Variants in ACAD11 observed in about 807,000 individuals in gnomAD.
The protein encoded by ACAD11 is acyl-Coenzyme A dehydrogenase family, member 11.
ACAD11 carries 83 observed loss-of-function variants against 102.2 expected under a neutral mutation model. The observed-to-expected ratio is 0.81, with a 90% CI of 0.68 to 0.97. ACAD11 has a LOEUF of 0.97. ACAD11 is among the 50% of genes least tolerant of loss of function. The pLI, the probability that ACAD11 is intolerant of heterozygous loss-of-function variation, is 0.00. For synonymous variants in ACAD11, 324 were observed against 319.8 expected (o/e 1.01, Z -0.14); for missense variants, 901 against 951.7 (o/e 0.95, Z 0.70).
At chr3:132,634,945 C>T (rs927629413) in intron 5 of ACAD11, among the ~76,000 whole-genome samples, 30 of 151,214 alleles carry the variant, frequency 2.0e-4, no homozygotes, top group African/African-American at 7.3e-4. Context: ...AGGAGAGATA[C>T]CTAATGCTAA....
At chr3:132,622,541 T>A (rs2107852726) in intron 9 of ACAD11, among the ~76,000 whole-genome samples, 1 of 152,356 alleles carries the variant, frequency 6.6e-6, no homozygotes, top group South Asian at 2.1e-4. Flanking sequence ...TGCCAGTGTT[T>A]ATATAATTTT....
chr3:132,639,501 G>A lies in ACAD11; in HGVS notation c.693C>T (p.His231=). 2 of 1,613,318 alleles carry A rather than the reference G, an allele frequency of 1.2e-6. No individual in the cohort carries two copies. Among genetic ancestry groups the A allele is most frequent in the Non-Finnish European group, 1.7e-6 (2 of 1,179,768 alleles). Residue 231 remains histidine, a synonymous_variant, in exon 5 of 20, where the codon CAC becomes CAT. Coordinates refer to ENST00000264990, the MANE Select transcript of ACAD11 (RefSeq NM_032169.5). ...GDFRLDNIVF[H]PKECRVIAVL... is the part of the protein sequence containing the mutation. The stretch of plus-strand genomic sequence containing the variant: ...ACATAGCTAACTGTACCTCTTTAGG[G>A]TGGAAAACTATGTTATCTAGTCTGA...
intron 13 of ACAD11, among the ~76,000 whole-genome samples, chr3:132,585,819 AT>A (rs1937794833): frequency 6.6e-6 from 1 of 152,202 alleles, no homozygotes; most frequent in Non-Finnish European, 1.5e-5. Context: ...TAGAATGGCA[AT>A]CATTAAAAAG....
At chr3:132,578,478 A>AATT (rs1382666858) in intron 15 of ACAD11, 1 of 153,224 alleles carries the variant, frequency 6.5e-6, no homozygotes, top group African/African-American at 2.4e-5. Flanking sequence ...TCTGTGCATT[A>AATT]ATCCATTTTT....
rs1311039488 is a variant in ACAD11 at position 132,659,637 on chromosome 3, C to G, written c.115G>C (p.Glu39Gln). The part of the protein sequence containing the change: ...LNQHLSGFGA[E>Q]REATLTIAQY... ...GCAATGGTCAGCGTAGCCTCACGTT[C>G]GGCCCCAAAGCCAGACAAGTGCTGG... is the stretch of plus-strand genomic sequence containing the variant. The change falls in exon 1 of 20, where the codon GAA becomes CAA. Residue 39 changes from glutamate to glutamine, a missense_variant. Glu to Gln is a conservative substitution (Grantham distance 29). Coordinates refer to ENST00000264990, the MANE Select transcript of ACAD11 (RefSeq NM_032169.5). 1 of 1,610,450 alleles carries G rather than the reference C, an allele frequency of 6.2e-7. No homozygotes were observed. Among genetic ancestry groups the G allele is most frequent in the Non-Finnish European group, 8.5e-7 (1 of 1,178,482 alleles).
intron 6 of ACAD11, among the ~76,000 whole-genome samples, chr3:132,630,944 G>A (rs192551679): frequency 1.3e-5 from 2 of 152,146 alleles, no homozygotes. Flanking sequence ...GGTGGTGTGT[G>A]CCTGTAGTCC....
intron 3 of ACAD11, 36 bp downstream of exon 3, chr3:132,642,635 TTAAAAG>T (rs1403338609): frequency 6.5e-7 from 1 of 1,548,566 alleles, no homozygotes; most frequent in Admixed American, 2.1e-5. Flanking sequence ...AACTTCATAA[TTAAAAG>T]TAAAAGCAAC....
intron 11 of ACAD11, among the ~76,000 whole-genome samples, chr3:132,613,029 T>G (rs1206187029): frequency 6.6e-6 from 1 of 152,036 alleles, no homozygotes; most frequent in Admixed American, 6.5e-5. Flanking sequence ...ATATACACCA[T>G]GGAATACTAT....
At chr3:132,622,752 C>T (rs1471508791) in intron 9 of ACAD11, among the ~76,000 whole-genome samples, 1 of 152,148 alleles carries the variant, frequency 6.6e-6, no homozygotes, top group African/African-American at 2.4e-5. Context: ...GGTCAATCTT[C>T]CCAAAATATC....
intron 9 of ACAD11, among the ~76,000 whole-genome samples, chr3:132,621,885 G>A (rs1369901193): frequency 9.9e-5 from 15 of 151,230 alleles, no homozygotes; most frequent in Non-Finnish European, 2.2e-4. Flanking sequence ...AGGCTGAGGC[G>A]GGAGAATCAC....
intron 13 of ACAD11, among the ~76,000 whole-genome samples, chr3:132,583,542 T>C (rs1426177111): frequency 1.3e-5 from 2 of 152,236 alleles, no homozygotes; most frequent in East Asian, 1.9e-4. Context: ...TTTGTGTCTC[T>C]ATTTCCTTCA....
Position 132,618,656 on chromosome 3 carries a change from A to G in ACAD11, c.1392T>C (p.Asp464=), listed in dbSNP as rs1939500916. The G allele has an allele frequency of 6.2e-7, 1 of 1,605,830 alleles. No individual in the cohort carries two copies. The highest frequency in any genetic ancestry group is 8.5e-7 in the Non-Finnish European group (1 of 1,176,862). Reference sequence around the variant, plus strand: ...AACCTGGTGCTTGGCAGTTAAAGACATCTGGAGCAAAAAAGCATTTTCCTG... The same window carrying G: ...AACCTGGTGCTTGGCAGTTAAAGACGTCTGGAGCAAAAAAGCATTTTCCTG... ...EETGKCFFAP[D]VFNCQAPDTG... is the part of the protein sequence containing the mutation. Residue 464 remains aspartate (D), a synonymous_variant, in exon 11 of 20, where the codon GAT becomes GAC. Transcript: ENST00000264990.
At chr3:132,642,162 A>G (rs1940551459) in intron 3 of ACAD11, 29 bp from the exon 4 acceptor site, 2 of 1,583,476 alleles carry the variant, frequency 1.3e-6, no homozygotes, top group Non-Finnish European at 1.7e-6. Flanking sequence ...CAGATTATTT[A>G]AATGTGTATA....
chr3:132,616,507 G>A (rs1939415014), intron 11 of ACAD11, among the ~76,000 whole-genome samples: 1 of 152,128 alleles, frequency 6.6e-6, no homozygotes, highest in Admixed American at 6.6e-5. Flanking sequence ...TAGACTCAGT[G>A]GAAAATATCC....
chr3:132,649,996 G>A (rs150937373), intron 1 of ACAD11: 61 of 152,320 alleles, frequency 4.0e-4, no homozygotes, highest in African/African-American at 1.4e-3. Context: ...AAAGACAAAT[G>A]ACCCAGTGTT....
intron 13 of ACAD11, among the ~76,000 whole-genome samples, chr3:132,598,320 A>G (rs1379803561): frequency 1.3e-5 from 2 of 152,228 alleles, no homozygotes; most frequent in Non-Finnish European, 2.9e-5. Flanking sequence ...AACATAGTGC[A>G]ATAACAATGT....
chr3:132,589,887 CCT>C (rs895022779), intron 13 of ACAD11, among the ~76,000 whole-genome samples: 13 of 152,090 alleles, frequency 8.5e-5, no homozygotes, highest in African/African-American at 3.1e-4. Context: ...CTCAAGCAGA[CCT>C]CTGTGTCTGT....
At chr3:132,587,067 C>T (rs1937872451) in intron 13 of ACAD11, among the ~76,000 whole-genome samples, 1 of 152,150 alleles carries the variant, frequency 6.6e-6, no homozygotes, top group African/African-American at 2.4e-5. Flanking sequence ...CATTGCACTC[C>T]AGCCTGGGCA....
chr3:132,588,714 A>G (rs990897858), intron 13 of ACAD11, among the ~76,000 whole-genome samples: 3 of 152,192 alleles, frequency 2.0e-5, no homozygotes, highest in Non-Finnish European at 4.4e-5. Context: ...CATTTGTACT[A>G]ATGAGAAAAG....
Sources: allele counts gnomAD v4.1 joint callset (sites outside exome capture counted in the v4.1 genomes callset), GRCh38; gene constraint gnomAD v4.1.1; transcripts MANE v1.5; gene names NCBI Gene and HGNC (gene_info 2026-07-23, HGNC 2026-07-21).